FAAH2: variants seen among roughly 807,000 people sequenced by gnomAD.
The protein encoded by FAAH2 is fatty acid amide hydrolase 2.
Under a neutral mutation model 36.9 loss-of-function variants are expected in FAAH2, and 60 were observed. The observed-to-expected ratio is 1.63, with a 90% CI of 1.32 to 2.02. The LOEUF (loss-of-function observed/expected upper bound fraction) is 2.02. FAAH2 is among the 30% of genes most tolerant of loss of function. FAAH2 has a pLI of 0.00. For missense variants in FAAH2, 689 were observed against 397.5 expected, an observed-to-expected ratio of 1.73 and a Z score of -6.23; for synonymous variants, 214 against 143.8, an observed-to-expected ratio of 1.49 and a Z score of -3.49.
chrX:57,299,377 C>G (rs1401535386), intron 2 of FAAH2, among the ~76,000 whole-genome samples: 2 of 111,762 alleles, frequency 1.8e-5, no homozygotes, highest in Non-Finnish European at 3.8e-5. Flanking sequence ...TCAATAGATG[C>G]AGAAAAGGCC....
chrX:57,268,417 G>T, the FAAH2 span, among the ~76,000 whole-genome samples: 1 of 111,775 alleles, frequency 8.9e-6, no homozygotes, highest in Non-Finnish European at 1.9e-5. Flanking sequence ...GACCAACTTG[G>T]AAAACATATT....
chrX:57,384,552 C>T (rs1472603349), intron 7 of FAAH2, among the ~76,000 whole-genome samples: 1 of 111,124 alleles, frequency 9.0e-6, no homozygotes, highest in African/African-American at 3.2e-5. Context: ...GACATTTATG[C>T]AGCCAAAAGA....
chrX:57,200,661 G>T, the FAAH2 span, among the ~76,000 whole-genome samples: 202 of 111,745 alleles, frequency 1.8e-3, 6 homozygotes, highest in South Asian at 0.068. Flanking sequence ...AAAGGCATGA[G>T]CCACTGCGCC....
intron 7 of FAAH2, among the ~76,000 whole-genome samples, chrX:57,415,693 T>C (rs2055824434): frequency 8.9e-6 from 1 of 111,732 alleles, no homozygotes; most frequent in Non-Finnish European, 1.9e-5. Context: ...GAGAATAATG[T>C]ATATTCTGTT....
chrX:57,353,331 T>TA (rs2054074249), intron 5 of FAAH2, among the ~76,000 whole-genome samples: 1 of 108,702 alleles, frequency 9.2e-6, no homozygotes, highest in East Asian at 2.9e-4. Context: ...AAGGCAGCAA[T>TA]AATATACATT....
At chrX:57,215,612 G>A in the FAAH2 span, among the ~76,000 whole-genome samples, 4 of 111,065 alleles carry the variant, frequency 3.6e-5, no homozygotes, top group Non-Finnish European at 5.7e-5. Flanking sequence ...TGGTACATAT[G>A]CACCATGGAA....
chrX:57,243,937 T>C, the FAAH2 span, among the ~76,000 whole-genome samples: 2 of 109,034 alleles, frequency 1.8e-5, no homozygotes, highest in African/African-American at 6.7e-5. Context: ...AGGTGGATAA[T>C]AACAAACTCC....
chrX:57,473,950 A>G (rs1262227797), intron 10 of FAAH2, among the ~76,000 whole-genome samples: 1 of 110,769 alleles, frequency 9.0e-6, no homozygotes, highest in East Asian at 2.8e-4. Flanking sequence ...GTTGGGTCTT[A>G]TTTTGTGACT....
intron 3 of FAAH2, among the ~76,000 whole-genome samples, chrX:57,313,154 A>G (rs1161936438): frequency 2.3e-4 from 3 of 12,973 alleles, no homozygotes; most frequent in Non-Finnish European, 5.4e-3. Flanking sequence ...CAGAGCTTGA[A>G]TACCGTTTTT....
At chrX:57,248,524 C>T in the FAAH2 span, among the ~76,000 whole-genome samples, 4 of 110,133 alleles carry the variant, frequency 3.6e-5, no homozygotes, top group East Asian at 2.8e-4. Context: ...GAGGCGGAGG[C>T]GGGTGGATCA....
At chrX:57,137,513 C>T in the FAAH2 span, 3 of 160,473 alleles carry the variant, frequency 1.9e-5, no homozygotes, top group Non-Finnish European at 3.1e-5. Flanking sequence ...GCTGTAGTCT[C>T]TGCCCTTTTT....
At chrX:57,462,173 A>AAG (rs2147219734) in intron 10 of FAAH2, among the ~76,000 whole-genome samples, 1 of 106,604 alleles carries the variant, frequency 9.4e-6, no homozygotes, top group Non-Finnish European at 1.9e-5. Flanking sequence ...TACAAAAAAA[A>AAG]AAAAAAAAAA....
chrX:57,448,141 C>G (rs1261964826), intron 9 of FAAH2, among the ~76,000 whole-genome samples: 7 of 111,387 alleles, frequency 6.3e-5, no homozygotes, highest in Admixed American at 9.5e-5. Context: ...GGGCTCACCA[C>G]CACACCTGGC....
At chrX:57,248,794 C>CTTTTT in the FAAH2 span, among the ~76,000 whole-genome samples, 1 of 44,193 alleles carries the variant, frequency 2.3e-5, no homozygotes, top group Non-Finnish European at 3.8e-5. Context: ...AATAGTGTGT[C>CTTTTT]TTTTTTTTTT....
At chrX:57,279,752 T>A in the FAAH2 span, among the ~76,000 whole-genome samples, 2,741 of 111,815 alleles carry the variant, frequency 0.025, 97 homozygotes, top group African/African-American at 0.084. Context: ...CACGTTATTA[T>A]CTCAATAGAT....
chrX:57,451,792 C>CA (rs1004667052), intron 10 of FAAH2, among the ~76,000 whole-genome samples: 17 of 111,187 alleles, frequency 1.5e-4, no homozygotes, highest in South Asian at 3.8e-4. Flanking sequence ...CTAAAAACTG[C>CA]AAAAAAAATT....
At chrX:57,267,100 GTC>G in the FAAH2 span, among the ~76,000 whole-genome samples, 13 of 112,189 alleles carry the variant, frequency 1.2e-4, no homozygotes, top group African/African-American at 4.2e-4. Flanking sequence ...GACCATGCCT[GTC>G]CCATGGAAAG....
chrX:57,454,181 C>A (rs2056831702), intron 10 of FAAH2, among the ~76,000 whole-genome samples: 1 of 111,977 alleles, frequency 8.9e-6, no homozygotes, highest in South Asian at 3.7e-4. Context: ...CCTGCTGGAT[C>A]TCAGGTCAAA....
chrX:57,187,848 A>G, the FAAH2 span, among the ~76,000 whole-genome samples: 1 of 111,351 alleles, frequency 9.0e-6, no homozygotes, highest in African/African-American at 3.3e-5. Context: ...GGTTCTGTTT[A>G]TGTGATTGAT....
Sources: gnomAD v4.1 joint callset for allele counts (sites outside exome capture counted in the v4.1 genomes callset) on GRCh38, gnomAD v4.1.1 for gene constraint, MANE v1.5 for transcripts, NCBI Gene and HGNC (gene_info 2026-07-23, HGNC 2026-07-21) for gene names.